Variants in SCN8A observed in about 807,000 individuals in gnomAD.
SCN8A encodes the protein sodium channel protein type 8 subunit alpha.
SCN8A carries 30 observed loss-of-function variants against 184.1 expected under a neutral mutation model. That is an observed-to-expected ratio of 0.16 (90% CI 0.12 to 0.22). The LOEUF is 0.22. Ranked by LOEUF, SCN8A falls within the 10% of genes least tolerant of loss-of-function variation. The probability of loss-of-function intolerance (pLI) is 1.00; values close to 1 mark genes in which losing one functional copy is unlikely to be tolerated. For missense variants in SCN8A, 1,057 were observed against 2,498.9 expected (o/e 0.42, Z 12.30); for synonymous variants, 852 against 907.0 (o/e 0.94, Z 1.09).
At position 51,609,830 on chromosome 12, in the gene SCN8A, G is replaced by A. The variant is rs1260574067; in HGVS notation, c.-55+18471G>A. Among the ~76,000 whole-genome samples the A allele has an allele frequency of 5.2e-5, 7 of 135,496 alleles. 1 individual carries two copies. The Admixed American group carries it at 5.2e-4, about 10-fold the overall frequency. 88.9% of individuals were successfully genotyped at this position (135,496 alleles called of 152,430 possible). A position where few individuals can be genotyped will look rare whatever the true frequency, so the allele number is the denominator to read the frequency against. ...GGGCCTGTTGTGGGGTGTGGGGAGGGGGGAGGGGGGAGGGATAGCATTAGG... is the reference window on the plus strand; with the variant it reads ...GGGCCTGTTGTGGGGTGTGGGGAGGAGGGAGGGGGGAGGGATAGCATTAGG... On this transcript the variant is annotated intron_variant, in intron 1 of 26. Coordinates refer to ENST00000627620, the MANE Select transcript of SCN8A (RefSeq NM_001330260.2).
At chr12:51,754,157 G>A (rs545737011) in intron 14 of SCN8A, among the ~76,000 whole-genome samples, 1 of 152,202 alleles carries the variant, frequency 6.6e-6, no homozygotes. Context: ...TTGAAGCCCA[G>A]GGAAGCTGTG....
At chr12:51,725,926 G>C (rs773397901) in intron 12 of SCN8A, among the ~76,000 whole-genome samples, 4 of 152,192 alleles carry the variant, frequency 2.6e-5, no homozygotes. Flanking sequence ...GCATCCAGTT[G>C]TGTATACTCA....
At chr12:51,703,274 G>A (rs1163621527) in intron 9 of SCN8A, among the ~76,000 whole-genome samples, 1 of 143,764 alleles carries the variant, frequency 7.0e-6, no homozygotes, top group East Asian at 2.1e-4. Flanking sequence ...TTTTGAGGTA[G>A]GTACTACAGG....
intron 21 of SCN8A, 29 bp from the exon 22 acceptor site, chr12:51,786,513 A>C: frequency 6.2e-7 from 1 of 1,613,682 alleles, no homozygotes; most frequent in Non-Finnish European, 8.5e-7. Flanking sequence ...TTTCCACCCA[A>C]CACTGAGCAA....
At chr12:51,706,218 C>T (rs1433261927) in intron 10 of SCN8A, among the ~76,000 whole-genome samples, 1 of 152,202 alleles carries the variant, frequency 6.6e-6, no homozygotes, top group Admixed American at 6.5e-5. Context: ...AGAATAACTC[C>T]CAAAGTTCTC....
At chr12:51,614,296 T>A (rs997117581) in intron 1 of SCN8A, among the ~76,000 whole-genome samples, 2 of 152,174 alleles carry the variant, frequency 1.3e-5, no homozygotes, top group Non-Finnish European at 2.9e-5. Flanking sequence ...TGGATTGTTA[T>A]GTCTTTTAGT....
At chr12:51,713,719 A>G (rs1416085507) in intron 11 of SCN8A, 3 of 383,010 alleles carry the variant, frequency 7.8e-6, no homozygotes, top group African/African-American at 6.3e-5. Flanking sequence ...CTATTTTTTC[A>G]AAGTATTTTA....
At chr12:51,707,678 C>T (rs968014932) in intron 11 of SCN8A, among the ~76,000 whole-genome samples, 1 of 152,208 alleles carries the variant, frequency 6.6e-6, no homozygotes, top group African/African-American at 2.4e-5. Flanking sequence ...TTCAGTCCAA[C>T]CAAGTTGACA....
rs145253614 is a variant in SCN8A at position 51,792,212 on chromosome 12, C to T, written c.4524+1710C>T. On this transcript the variant is annotated intron_variant, in intron 25 of 26. Transcript: ENST00000627620. Reference sequence around the variant, plus strand: ...TGGATGAGAAGGAACTGGCTGGGCACGGTAGCTCATACTGTAATCCCAACT... The same window carrying T: ...TGGATGAGAAGGAACTGGCTGGGCATGGTAGCTCATACTGTAATCCCAACT... Among the ~76,000 whole-genome samples the T allele has an allele frequency of 2.3e-3, 344 of 150,618 alleles. 3 individuals are homozygous for T. The highest frequency in any genetic ancestry group is 7.9e-3 in the African/African-American group (325 of 40,954).
In SCN8A at chr12:51,662,966, A is replaced by G; in HGVS notation, c.149A>G (p.Asp50Gly). 2 of 1,614,072 alleles carry G rather than the reference A, an allele frequency of 1.2e-6. No individual in the cohort carries two copies. The highest frequency in any genetic ancestry group is 1.7e-6 in the Non-Finnish European group (2 of 1,179,904). Residue 50 changes from aspartate (D) to glycine (G), a missense_variant, in exon 2 of 27, where the codon GAC becomes GGC. Physicochemically the swap from Asp to Gly is moderately conservative, Grantham distance 94. This residue lies in a region of SCN8A where 45 missense variants were observed against 71.3 expected (regional missense o/e 0.63). Transcript: ENST00000627620. ...GGCAGTCATCGGGAGGACGATGAGG[A>G]CAGCAAGCCCAAGCCAAACAGCGAC... is the stretch of plus-strand genomic sequence containing the variant. Reference protein sequence around the residue: ...ADGSHREDDEDSKPKPNSDLE... With the variant: ...ADGSHREDDEGSKPKPNSDLE...
rs59060924 is a variant in SCN8A at position 51,691,436 on chromosome 12, T to TTATA, written c.706+2354_706+2357dup. Among the ~76,000 whole-genome samples the TTATA allele has an allele frequency of 2.2e-3, 336 of 149,460 alleles. 1 individual carries two copies. Among genetic ancestry groups the TTATA allele is most frequent in the Middle Eastern group, 0.014 (4 of 288 alleles). On this transcript the variant is annotated intron_variant, in intron 6 of 26. Coordinates refer to ENST00000627620, the MANE Select transcript of SCN8A (RefSeq NM_001330260.2). ...CTTAATATGTCATGTTATTTATCCT[T>TTATA]TATATATATATATATATCTGGAATA...
intron 6 of SCN8A, among the ~76,000 whole-genome samples, chr12:51,697,038 C>CAAAAAAA (rs567183376): frequency 8.0e-6 from 1 of 124,250 alleles, no homozygotes; most frequent in Non-Finnish European, 1.6e-5. Flanking sequence ...GAATCCGACT[C>CAAAAAAA]AAAAAAAAAA....
intron 2 of SCN8A, among the ~76,000 whole-genome samples, chr12:51,669,637 T>C (rs1349452863): frequency 6.6e-6 from 1 of 152,256 alleles, no homozygotes; most frequent in African/African-American, 2.4e-5. Context: ...TTACTCCTTT[T>C]AAATTTTTAA....
chr12:51,623,215 C>T (rs748815474), intron 1 of SCN8A, among the ~76,000 whole-genome samples: 1 of 152,144 alleles, frequency 6.6e-6, no homozygotes, highest in Admixed American at 6.6e-5. Flanking sequence ...TGCTAGTAGG[C>T]CCTCTCAGTG....
intron 1 of SCN8A, among the ~76,000 whole-genome samples, chr12:51,654,107 A>G (rs1325545517): frequency 6.6e-6 from 1 of 152,194 alleles, no homozygotes. Context: ...TATCACAGAT[A>G]CAATTTGCAA....
chr12:51,721,726 C>T lies in SCN8A; in HGVS notation c.1816C>T (p.Arg606Trp). The change falls in exon 12 of 27, where the codon CGG (arginine) becomes TGG (tryptophan). Residue 606 changes from arginine to tryptophan, a missense_variant. Coordinates refer to ENST00000627620, the MANE Select transcript of SCN8A (RefSeq NM_001330260.2). ...CCGGGACTCCCTCTTCATCCCCATC[C>T]GGGCCCGCGAGCGCCGGAGCAGCTA... ...GRRDSLFIPIRARERRSSYSG... is the reference protein window; with the variant it reads ...GRRDSLFIPIWARERRSSYSG... The T allele has an allele frequency of 6.3e-7, 1 of 1,595,346 alleles. No homozygotes were observed. The highest frequency in any genetic ancestry group is 8.5e-7 in the Non-Finnish European group (1 of 1,171,120).
intron 12 of SCN8A, among the ~76,000 whole-genome samples, chr12:51,737,930 G>A (rs958964085): frequency 1.3e-5 from 2 of 152,202 alleles, no homozygotes; most frequent in Non-Finnish European, 1.5e-5. Flanking sequence ...AAATGTTGGC[G>A]CTATGTGCCC....
chr12:51,704,069 T>G (rs942859200), intron 9 of SCN8A, among the ~76,000 whole-genome samples: 8 of 152,018 alleles, frequency 5.3e-5, no homozygotes. Flanking sequence ...TTTTTGTATT[T>G]TTAATAGAGA....
chr12:51,675,673 G>C (rs529513811), intron 2 of SCN8A, among the ~76,000 whole-genome samples: 55 of 152,268 alleles, frequency 3.6e-4, no homozygotes, highest in African/African-American at 1.3e-3. Context: ...TTGGTTTCTT[G>C]TTTGTGAAAC....
Sources: gnomAD v4.1 joint callset for allele counts (sites outside exome capture counted in the v4.1 genomes callset) on GRCh38, gnomAD v4.1.1 for gene constraint, gnomAD v4.1.1 regional missense constraint, MANE v1.5 for transcripts, NCBI Gene and HGNC (gene_info 2026-07-23, HGNC 2026-07-21) for gene names.